Variants in NME7 observed in about 807,000 individuals in gnomAD.
NME7 encodes the protein NME/NM23 family member 7.
NME7 carries 41 observed loss-of-function variants against 49.1 expected under a neutral mutation model. The observed-to-expected ratio is 0.83, with a 90% CI of 0.65 to 1.08. NME7 has a LOEUF of 1.08. Ranked by LOEUF, NME7 falls within the 50% of genes least tolerant of loss-of-function variation. The probability of loss-of-function intolerance (pLI) is 0.00; values close to 1 mark genes in which losing one functional copy is unlikely to be tolerated. For missense variants in NME7, 423 were observed against 463.4 expected, an observed-to-expected ratio of 0.91 and a Z score of 0.80; for synonymous variants, 139 against 150.6, an observed-to-expected ratio of 0.92 and a Z score of 0.56.
At chr1:169,204,192 T>C (rs1660619225) in intron 10 of NME7, among the ~76,000 whole-genome samples, 1 of 151,750 alleles carries the variant, frequency 6.6e-6, no homozygotes, top group African/African-American at 2.4e-5. Flanking sequence ...TGGGGTCCCC[T>C]TGTCCAAGTG....
At chr1:169,182,814 C>T (rs974545451) in intron 10 of NME7, among the ~76,000 whole-genome samples, 3 of 152,108 alleles carry the variant, frequency 2.0e-5, no homozygotes, top group African/African-American at 7.2e-5. Flanking sequence ...AATTTATATA[C>T]CCCATTAACT....
intron 7 of NME7, among the ~76,000 whole-genome samples, chr1:169,245,106 G>A (rs1648255459): frequency 6.6e-6 from 1 of 152,156 alleles, no homozygotes; most frequent in Non-Finnish European, 1.5e-5. Context: ...TCCAGCCTGG[G>A]TGACAGAACA....
chr1:169,155,453 G>C (rs192494706), intron 11 of NME7, among the ~76,000 whole-genome samples: 3 of 152,234 alleles, frequency 2.0e-5, no homozygotes, highest in Non-Finnish European at 4.4e-5. Context: ...CAAACTATTA[G>C]TGGATTCTAT....
chr1:169,244,176 C>T (rs1202165227), intron 7 of NME7, among the ~76,000 whole-genome samples: 2 of 151,988 alleles, frequency 1.3e-5, no homozygotes, highest in Non-Finnish European at 2.9e-5. Flanking sequence ...CTGAATTGTT[C>T]AGAGGATCAT....
chr1:169,158,834 A>C (rs186571177), intron 11 of NME7, among the ~76,000 whole-genome samples: 10 of 152,100 alleles, frequency 6.6e-5, no homozygotes, highest in African/African-American at 2.4e-4. Context: ...GGAGCAGGGG[A>C]GGACACATAA....
intron 7 of NME7, among the ~76,000 whole-genome samples, chr1:169,274,316 TG>T (rs1176517099): frequency 0.03 from 4,070 of 133,646 alleles, 537 homozygotes; most frequent in African/African-American, 0.095. Flanking sequence ...TGGGGTTGTT[TG>T]TTTTTTTCTT....
At chr1:169,253,607 G>A (rs1558008915) in intron 7 of NME7, among the ~76,000 whole-genome samples, 2 of 152,218 alleles carry the variant, frequency 1.3e-5, no homozygotes, top group Non-Finnish European at 1.5e-5. Flanking sequence ...ATGTTGAATA[G>A]GAGTGGTGAG....
chr1:169,137,686 C>T (rs1457418318), intron 11 of NME7, among the ~76,000 whole-genome samples: 2 of 152,146 alleles, frequency 1.3e-5, no homozygotes, highest in African/African-American at 4.8e-5. Flanking sequence ...TGTCTTCCCT[C>T]TCCAAGGCAC....
chr1:169,360,217 A>C (rs151197367), intron 1 of NME7, among the ~76,000 whole-genome samples: 47 of 152,300 alleles, frequency 3.1e-4, no homozygotes, highest in African/African-American at 1.1e-3. Flanking sequence ...AGAAACAAAA[A>C]ATAAGTCCAG....
intron 10 of NME7, among the ~76,000 whole-genome samples, chr1:169,199,449 T>C (rs1436418060): frequency 2.0e-5 from 1 of 49,398 alleles, no homozygotes; most frequent in African/African-American, 5.6e-5. Flanking sequence ...CCAGGGTCTT[T>C]TTTATTATTA....
At chr1:169,181,136 A>ATCTG (rs1005422171) in intron 10 of NME7, among the ~76,000 whole-genome samples, 7 of 96,476 alleles carry the variant, frequency 7.3e-5, no homozygotes, top group Admixed American at 9.2e-5. Flanking sequence ...CTATCTATTT[A>ATCTG]TCTATCTATC....
At chr1:169,308,091 C>T (rs906388340) in intron 4 of NME7, among the ~76,000 whole-genome samples, 3 of 151,900 alleles carry the variant, frequency 2.0e-5, no homozygotes, top group Non-Finnish European at 4.4e-5. Flanking sequence ...AGTCACACAC[C>T]TAGTAAGTAG....
chr1:169,236,809 T>C (rs189024166), intron 8 of NME7, among the ~76,000 whole-genome samples: 4 of 152,112 alleles, frequency 2.6e-5, no homozygotes, highest in Admixed American at 6.6e-5. Flanking sequence ...CTTAAGACTT[T>C]AGAAAGCTGT....
chr1:169,159,844 G>A (rs1196269629), intron 11 of NME7, among the ~76,000 whole-genome samples: 1 of 152,050 alleles, frequency 6.6e-6, no homozygotes, highest in African/African-American at 2.4e-5. Context: ...TCTCCTTGTT[G>A]CTGTCACACC....
At chr1:169,244,270 GA>G (rs991819283) in intron 7 of NME7, among the ~76,000 whole-genome samples, 28 of 151,730 alleles carry the variant, frequency 1.8e-4, no homozygotes, top group African/African-American at 5.6e-4. Context: ...GAAAAAGGAG[GA>G]AAAAAAGATC....
At chr1:169,218,040 A>G (rs1661020608) in intron 10 of NME7, among the ~76,000 whole-genome samples, 1 of 152,168 alleles carries the variant, frequency 6.6e-6, no homozygotes, top group Admixed American at 6.5e-5. Context: ...CAGAAACACA[A>G]ATATCTCAGA....
rs1398358925 is a variant in NME7, at chr1:169,273,583, G to T, written c.754+13720C>A. Among the ~76,000 whole-genome samples the T allele has an allele frequency of 7.9e-4, 103 of 130,234 alleles. 22 individuals are homozygous for T. Among genetic ancestry groups the T allele is most frequent in the Non-Finnish European group, 1.3e-3 (74 of 55,786 alleles). 85.4% of individuals were successfully genotyped at this position (130,234 alleles called of 152,430 possible). On this transcript the variant is annotated intron_variant, in intron 7 of 11. Transcript: ENST00000367811. Reference sequence around the variant, plus strand: ...CCATTGACTCGTCATTTAGCATTAGGTATATCTCCTAATGCTATCCCTCCC... The same window carrying T: ...CCATTGACTCGTCATTTAGCATTAGTTATATCTCCTAATGCTATCCCTCCC...
At chr1:169,323,365 AAT>A (rs1264759450) in intron 2 of NME7, 82 bp from the exon 3 acceptor site, 1 of 1,102,100 alleles carries the variant, frequency 9.1e-7, no homozygotes, top group Admixed American at 3.0e-5. Flanking sequence ...AGGTAGAAAT[AAT>A]TCTTAATTCT....
intron 8 of NME7, among the ~76,000 whole-genome samples, chr1:169,237,126 G>C (rs1647887880): frequency 6.6e-6 from 1 of 152,040 alleles, no homozygotes; most frequent in Non-Finnish European, 1.5e-5. Context: ...AGCGGTACAA[G>C]TGCCAACAGA....
Sources: allele counts gnomAD v4.1 joint callset (sites outside exome capture counted in the v4.1 genomes callset), GRCh38; gene constraint gnomAD v4.1.1; transcripts MANE v1.5; gene names NCBI Gene and HGNC (gene_info 2026-07-23, HGNC 2026-07-21).